THRB: variants seen among roughly 807,000 people sequenced by gnomAD.
THRB encodes nuclear receptor subfamily 1 group A member 2.
A neutral mutation model predicts 47.8 loss-of-function variants in THRB; 12 were observed. The observed-to-expected ratio is 0.25, with a 90% CI of 0.16 to 0.41. The LOEUF is 0.41. THRB is among the 10% of genes least tolerant of loss of function. The probability of loss-of-function intolerance (pLI) is 1.00; values close to 1 mark genes in which losing one functional copy is unlikely to be tolerated. For missense variants in THRB, 348 were observed against 589.2 expected, an observed-to-expected ratio of 0.59 and a Z score of 4.24; for synonymous variants, 218 against 212.2, an observed-to-expected ratio of 1.03 and a Z score of -0.24.
intron 5 of THRB, among the ~76,000 whole-genome samples, chr3:24,180,876 A>C (rs893409474): frequency 6.6e-6 from 1 of 152,216 alleles, no homozygotes; most frequent in Non-Finnish European, 1.5e-5. Context: ...AGGTCGCTGC[A>C]TCTCCAGGAG....
chr3:24,358,531 C>T (rs538366823), intron 1 of THRB, among the ~76,000 whole-genome samples: 2 of 152,252 alleles, frequency 1.3e-5, no homozygotes, highest in South Asian at 4.1e-4. Flanking sequence ...AATAATGCAT[C>T]CTTTTCTCAT....
intron 1 of THRB, among the ~76,000 whole-genome samples, chr3:24,377,777 C>T (rs536930441): frequency 2.0e-5 from 3 of 152,034 alleles, no homozygotes; most frequent in Non-Finnish European, 2.9e-5. Context: ...TCTTACCTTC[C>T]CTCCTCCTCC....
chr3:24,176,505 T>A (rs1045758423), intron 5 of THRB, among the ~76,000 whole-genome samples: 1 of 152,222 alleles, frequency 6.6e-6, no homozygotes, highest in Non-Finnish European at 1.5e-5. Flanking sequence ...GAACAACTAG[T>A]GCAAAATTTA....
At chr3:24,143,855 T>A in intron 7 of THRB, 149 bp from the exon 8 acceptor site, 1 of 745,544 alleles carries the variant, frequency 1.3e-6, no homozygotes. Flanking sequence ...ACAGTTTCTC[T>A]CCTCACCAGC....
At chr3:24,395,029 T>C (rs1560092888) in intron 1 of THRB, among the ~76,000 whole-genome samples, 1 of 152,074 alleles carries the variant, frequency 6.6e-6, no homozygotes, top group South Asian at 2.1e-4. Context: ...GTCACATTGA[T>C]GAGGAGGCTA....
chr3:24,235,635 C>T (rs1263239820), intron 3 of THRB, among the ~76,000 whole-genome samples: 1 of 151,998 alleles, frequency 6.6e-6, no homozygotes, highest in African/African-American at 2.4e-5. Context: ...GTTGGGGAAC[C>T]TTCATTAGCA....
chr3:24,273,761 T>C (rs1476154168), intron 3 of THRB, among the ~76,000 whole-genome samples: 1 of 152,280 alleles, frequency 6.6e-6, no homozygotes, highest in African/African-American at 2.4e-5. Flanking sequence ...GTTCTACCCA[T>C]TGCGGTAGAG....
intron 1 of THRB, among the ~76,000 whole-genome samples, chr3:24,474,176 A>G (rs1033872453): frequency 1.2e-4 from 18 of 152,338 alleles, no homozygotes; most frequent in Non-Finnish European, 2.4e-4. Context: ...TCAAGAAACA[A>G]ACACTCTTTT....
chr3:24,336,602 C>T (rs2062268572), intron 2 of THRB, among the ~76,000 whole-genome samples: 1 of 152,152 alleles, frequency 6.6e-6, no homozygotes, highest in Admixed American at 6.5e-5. Flanking sequence ...CTTGATATGA[C>T]CACATACCTC....
At chr3:24,432,444 T>C (rs889941697) in intron 1 of THRB, among the ~76,000 whole-genome samples, 1 of 152,140 alleles carries the variant, frequency 6.6e-6, no homozygotes, top group Non-Finnish European at 1.5e-5. Flanking sequence ...ACATACACCT[T>C]CTAGTTAAGA....
At chr3:24,259,860 G>A (rs1395274949) in intron 3 of THRB, among the ~76,000 whole-genome samples, 1 of 152,016 alleles carries the variant, frequency 6.6e-6, no homozygotes, top group Non-Finnish European at 1.5e-5. Context: ...AATTAAATGT[G>A]TGTGTGTGTA....
intron 3 of THRB, among the ~76,000 whole-genome samples, chr3:24,280,324 C>G (rs1319746849): frequency 6.6e-6 from 1 of 152,184 alleles, no homozygotes; most frequent in African/African-American, 2.4e-5. Flanking sequence ...CCAGCAGGGA[C>G]AGACTGACAC....
chr3:24,248,481 T>C (rs370501661), intron 3 of THRB, among the ~76,000 whole-genome samples: 1 of 151,698 alleles, frequency 6.6e-6, no homozygotes, highest in Non-Finnish European at 1.5e-5. Context: ...ACCCAAAAGC[T>C]GGGTGCTAGT....
At chr3:24,418,257 A>AC (rs2068923915) in intron 1 of THRB, among the ~76,000 whole-genome samples, 1 of 151,432 alleles carries the variant, frequency 6.6e-6, no homozygotes, top group South Asian at 2.1e-4. Context: ...AAAAAAAAAA[A>AC]AACCTGTATT....
chr3:24,423,311 G>A (rs569773645), intron 1 of THRB, among the ~76,000 whole-genome samples: 1 of 151,978 alleles, frequency 6.6e-6, no homozygotes, highest in African/African-American at 2.4e-5. Context: ...GATAACTGAA[G>A]TAGATGGGGA....
At chr3:24,472,544 C>G (rs1407071718) in intron 1 of THRB, among the ~76,000 whole-genome samples, 3 of 152,222 alleles carry the variant, frequency 2.0e-5, no homozygotes, top group Non-Finnish European at 4.4e-5. Context: ...CCTACTCTCT[C>G]TGCCAATCTT....
intron 1 of THRB, chr3:24,484,224 T>C (rs945827637): frequency 2.0e-5 from 3 of 152,216 alleles, no homozygotes; most frequent in Non-Finnish European, 4.4e-5. Context: ...GGTGTTTTAC[T>C]AACCAATATA....
At chr3:24,198,214 C>T (rs1001436185) in intron 4 of THRB, among the ~76,000 whole-genome samples, 1 of 152,108 alleles carries the variant, frequency 6.6e-6, no homozygotes, top group Non-Finnish European at 1.5e-5. Context: ...TTGGAATATT[C>T]GGACAAGGGA....
At chr3:24,426,915 A>G (rs918373325) in intron 1 of THRB, among the ~76,000 whole-genome samples, 1 of 152,002 alleles carries the variant, frequency 6.6e-6, no homozygotes, top group Non-Finnish European at 1.5e-5. Flanking sequence ...TACAAATCAA[A>G]AACACTGTCT....
Sources: gnomAD v4.1 joint callset for allele counts (sites outside exome capture counted in the v4.1 genomes callset) on GRCh38, gnomAD v4.1.1 for gene constraint, MANE v1.5 for transcripts, NCBI Gene and HGNC (gene_info 2026-07-23, HGNC 2026-07-21) for gene names.